CPNE4: variants seen among roughly 807,000 people sequenced by gnomAD.
The protein encoded by CPNE4 is copine-4.
In CPNE4, 25 loss-of-function variants were observed where a neutral mutation model predicts 67.9. That is an observed-to-expected ratio of 0.37 (90% CI 0.27 to 0.51). The LOEUF (loss-of-function observed/expected upper bound fraction) is 0.51. CPNE4 is among the 20% of genes least tolerant of loss of function. The pLI, the probability that CPNE4 is intolerant of heterozygous loss-of-function variation, is 0.93. For synonymous variants in CPNE4, 242 were observed against 244.9 expected, an observed-to-expected ratio of 0.99 and a Z score of 0.11; for missense variants, 464 against 690.8, an observed-to-expected ratio of 0.67 and a Z score of 3.68.
At chr3:131,936,279 T>C (rs1458670173) in intron 1 of CPNE4, among the ~76,000 whole-genome samples, 2 of 151,936 alleles carry the variant, frequency 1.3e-5, no homozygotes, top group African/African-American at 4.8e-5. Flanking sequence ...AATAGACTTA[T>C]AAAGGAACTC....
intron 3 of CPNE4, among the ~76,000 whole-genome samples, chr3:131,702,128 T>C (rs543520248): frequency 1.9e-4 from 29 of 152,246 alleles, no homozygotes; most frequent in Admixed American, 1.0e-3. Flanking sequence ...CAGTCTGCTA[T>C]AATCTGAAGA....
intron 1 of CPNE4, among the ~76,000 whole-genome samples, chr3:131,942,003 G>T (rs1303682531): frequency 6.6e-6 from 1 of 151,706 alleles, no homozygotes; most frequent in African/African-American, 2.4e-5. Flanking sequence ...GAAATATTTG[G>T]ATTCCTTTTA....
chr3:131,766,369 T>C (rs1178494790), intron 2 of CPNE4, among the ~76,000 whole-genome samples: 1 of 152,148 alleles, frequency 6.6e-6, no homozygotes, highest in Admixed American at 6.6e-5. Flanking sequence ...TTCTTCCAGG[T>C]ACCAGAAGGG....
At chr3:131,559,172 A>C (rs1047051335) in intron 11 of CPNE4, among the ~76,000 whole-genome samples, 1 of 152,052 alleles carries the variant, frequency 6.6e-6, no homozygotes, top group Non-Finnish European at 1.5e-5. Flanking sequence ...TGCTGATGTC[A>C]GCTGGTAGTT....
rs1215229973 is a variant in CPNE4, at chr3:131,886,613, AAGC to A, written c.180+18648_180+18650del. ...ACAGACACTCAGTGCCAGCCTGTGAAAGCAGCTGGGAGGGAGGCTGTACCCTGC... is the reference window on the plus strand; with the variant it reads ...ACAGACACTCAGTGCCAGCCTGTGAAAGCTGGGAGGGAGGCTGTACCCTGC... On this transcript the variant is annotated intron_variant, in intron 2 of 15. Coordinates refer to ENST00000429747, the MANE Select transcript of CPNE4 (RefSeq NM_130808.3). Among the ~76,000 whole-genome samples the A allele has an allele frequency of 7.9e-5, 12 of 152,294 alleles. No individual in the cohort carries two copies. In the South Asian group the frequency reaches 2.5e-3, roughly 32 times the overall value.
chr3:131,967,338 C>T (rs1449455079), intron 1 of CPNE4, among the ~76,000 whole-genome samples: 1 of 152,202 alleles, frequency 6.6e-6, no homozygotes, highest in Non-Finnish European at 1.5e-5. Flanking sequence ...TCTCTCACCA[C>T]TCCTTTTCAA....
chr3:131,770,182 C>A (rs530392261), intron 2 of CPNE4, among the ~76,000 whole-genome samples: 1 of 152,126 alleles, frequency 6.6e-6, no homozygotes, highest in Admixed American at 6.6e-5. Context: ...TCTATTTTTG[C>A]GTTAGTGTAT....
chr3:131,578,296 T>G (rs1218077103), intron 9 of CPNE4, among the ~76,000 whole-genome samples: 1 of 152,150 alleles, frequency 6.6e-6, no homozygotes, highest in African/African-American at 2.4e-5. Flanking sequence ...TGTAATTATT[T>G]TGGGGTGCTA....
At chr3:131,956,926 A>G (rs1560677669) in intron 1 of CPNE4, among the ~76,000 whole-genome samples, 1 of 152,246 alleles carries the variant, frequency 6.6e-6, no homozygotes, top group Non-Finnish European at 1.5e-5. Flanking sequence ...ACATTTTATC[A>G]TAACTTGCTG....
intron 15 of CPNE4, among the ~76,000 whole-genome samples, chr3:131,536,341 G>C (rs577792403): frequency 1.2e-4 from 19 of 152,342 alleles, no homozygotes; most frequent in African/African-American, 4.3e-4. Context: ...GAGTCATGTA[G>C]AGCTGGGCTT....
chr3:132,027,583 A>T (rs7651726), intron 1 of CPNE4, among the ~76,000 whole-genome samples: 2 of 151,734 alleles, frequency 1.3e-5, no homozygotes, highest in African/African-American at 4.8e-5. Context: ...GAAATCTGAC[A>T]ATGGCTTCTC....
chr3:131,908,615 T>A (rs2088854702), intron 1 of CPNE4, among the ~76,000 whole-genome samples: 1 of 150,690 alleles, frequency 6.6e-6, no homozygotes, highest in East Asian at 2.0e-4. Context: ...GCCAAGTCCA[T>A]CTCTTCCAAA....
At chr3:131,799,925 G>GTGT (rs1560339623) in intron 2 of CPNE4, among the ~76,000 whole-genome samples, 21 of 67,536 alleles carry the variant, frequency 3.1e-4, no homozygotes, top group East Asian at 1.2e-3. Flanking sequence ...TGTGTTGTGT[G>GTGT]TGTGTGTGTG....
chr3:131,746,176 G>T (rs1560227860), intron 2 of CPNE4, among the ~76,000 whole-genome samples: 1 of 151,900 alleles, frequency 6.6e-6, no homozygotes. Context: ...ATATTTATGG[G>T]GTACAACGTG....
intron 1 of CPNE4, among the ~76,000 whole-genome samples, chr3:132,025,862 T>G (rs900896645): frequency 6.6e-6 from 1 of 152,218 alleles, no homozygotes; most frequent in African/African-American, 2.4e-5. Context: ...CCTACCTACA[T>G]ACAACACACA....
chr3:131,935,905 T>C (rs534620070), intron 1 of CPNE4, among the ~76,000 whole-genome samples: 2 of 152,108 alleles, frequency 1.3e-5, no homozygotes, highest in South Asian at 4.1e-4. Context: ...ATAGAGGATA[T>C]GTGGATTCAT....
chr3:131,857,206 G>C (rs1254839272), intron 2 of CPNE4, among the ~76,000 whole-genome samples: 1 of 152,004 alleles, frequency 6.6e-6, no homozygotes, highest in Non-Finnish European at 1.5e-5. Flanking sequence ...AGATTCTAGT[G>C]TTTTAAAAGT....
At chr3:131,778,073 CTT>C (rs1373337255) in intron 2 of CPNE4, among the ~76,000 whole-genome samples, 5 of 152,106 alleles carry the variant, frequency 3.3e-5, no homozygotes, top group African/African-American at 1.2e-4. Flanking sequence ...GGAAGCCTGC[CTT>C]GGTCTTGCCC....
chr3:131,762,434 C>T (rs1003666710), intron 2 of CPNE4, among the ~76,000 whole-genome samples: 2 of 152,052 alleles, frequency 1.3e-5, no homozygotes, highest in Non-Finnish European at 2.9e-5. Context: ...GATGAAGAAA[C>T]TGAGGGTCAT....
Sources: allele counts gnomAD v4.1 joint callset (sites outside exome capture counted in the v4.1 genomes callset), GRCh38; gene constraint gnomAD v4.1.1; transcripts MANE v1.5; gene names NCBI Gene and HGNC (gene_info 2026-07-23, HGNC 2026-07-21).